Variants in PIK3R6 observed in about 807,000 individuals in gnomAD.
PIK3R6 encodes the protein phosphoinositide 3-kinase regulatory subunit 6.
PIK3R6 carries 91 observed loss-of-function variants against 84.9 expected under a neutral mutation model. The observed-to-expected ratio is 1.07, with a 90% confidence interval of 0.90 to 1.28. The LOEUF (loss-of-function observed/expected upper bound fraction) is 1.28, where lower values mean the gene tolerates loss of function less well. Among genes scored for constraint, PIK3R6 ranks in the 50% most tolerant of loss-of-function variants. PIK3R6 has a pLI of 0.00. For synonymous variants in PIK3R6, 416 were observed against 411.4 expected, an observed-to-expected ratio of 1.01 and a Z score of -0.13; for missense variants, 996 against 985.1, an observed-to-expected ratio of 1.01 and a Z score of -0.15.
intron 11 of PIK3R6, 71 bp downstream of exon 11, chr17:8,828,496 C>A: frequency 6.5e-7 from 1 of 1,545,744 alleles, no homozygotes; most frequent in Non-Finnish European, 8.7e-7. Context: ...TGTGATCCTT[C>A]ACCAGCCCAC....
At position 8,813,771 on chromosome 17, in the gene PIK3R6, G is replaced by GCCATATATGACAAAC. The variant is rs60772143; in HGVS notation, c.1995+5297_1995+5311dup. Among the ~76,000 whole-genome samples, 603 of 152,146 alleles carry GCCATATATGACAAAC rather than the reference G, an allele frequency of 4.0e-3. 3 individuals carry two copies. The highest frequency in any genetic ancestry group is 0.014 in the African/African-American group (573 of 41,498). ...AGGAACATATCTCAAAATAATAAAA[G>GCCATATATGACAAAC]CCATATATGACAAACCCACAGTCAA... is the stretch of plus-strand genomic sequence containing the variant. On this transcript the variant is annotated intron_variant, in intron 18 of 19. Transcript: ENST00000619866.
intron 1 of PIK3R6, among the ~76,000 whole-genome samples, chr17:8,861,428 A>G (rs2089282351): frequency 6.6e-6 from 1 of 152,152 alleles, no homozygotes. Context: ...CACTTTCTGC[A>G]ATTTCAGTTG....
intron 2 of PIK3R6, among the ~76,000 whole-genome samples, chr17:8,841,713 A>C (rs78385142): frequency 6.6e-6 from 1 of 151,676 alleles, no homozygotes; most frequent in Non-Finnish European, 1.5e-5. Flanking sequence ...AAAAAAAAAA[A>C]CCATGAAAGT....
At position 8,828,103 on chromosome 17, in the gene PIK3R6, T is replaced by C. The variant is rs1415696044; in HGVS notation, c.1392+9A>G. Reference sequence around the variant, plus strand: ...CTGCCCCGCCACCGCCTCCCCGCGGTCCAGTCACCTCAGGCGCCAGCACGG... The same window carrying C: ...CTGCCCCGCCACCGCCTCCCCGCGGCCCAGTCACCTCAGGCGCCAGCACGG... On this transcript the variant is annotated intron_variant, in intron 12 of 19. Transcript: ENST00000619866. 6.2e-7 allele frequency: 1 copy of C among 1,613,466 alleles called. No individual in the cohort carries two copies. The highest frequency in any genetic ancestry group is 1.3e-5 in the African/African-American group (1 of 74,890).
At chr17:8,812,603 C>A (rs757075677) in intron 18 of PIK3R6, among the ~76,000 whole-genome samples, 16 of 152,198 alleles carry the variant, frequency 1.1e-4, no homozygotes, top group Non-Finnish European at 2.4e-4. Flanking sequence ...CCAAGAGGAA[C>A]CCTCAAAACT....
In PIK3R6 at chr17:8,819,128, C is replaced by T. The variant is rs184716744; in HGVS notation, c.1950G>A (p.Val650=). 3.5e-5 allele frequency: 57 copies of T among 1,609,826 alleles called. 2 individuals are homozygous for T. The highest frequency in any genetic ancestry group is 3.3e-4 in the African/African-American group (25 of 74,976). Residue 650 remains valine, a synonymous_variant, in exon 18 of 20, where the codon GTG becomes GTA. Coordinates refer to ENST00000619866, the MANE Select transcript of PIK3R6 (RefSeq NM_001010855.4). ...AGTTGGAGGACTTGACAACCTCTGT[C>T]ACGTTGACATTCAGACATGTGTGGT... ...VTDHTCLNVN[V]TEVVKSSNLA...
In PIK3R6 at chr17:8,842,715, CT is replaced by C. The variant is rs2088716827; in HGVS notation, c.14-3019del. ...CCCCAAGGGTTCCTCTTTGACTGGG[CT>C]ATCAGGAAACTTACGGTCAAATTGG... On this transcript the variant is annotated intron_variant, in intron 2 of 19. Transcript: ENST00000619866. This position sits in a 1 kb window ranked among gnomAD's most constrained non-coding sequence, Gnocchi z 4.5. Among the ~76,000 whole-genome samples, 1 of 152,052 alleles carries C rather than the reference CT, an allele frequency of 6.6e-6. No individual in the cohort carries two copies. Among genetic ancestry groups the C allele is most frequent in the African/African-American group, 2.4e-5 (1 of 41,406 alleles).
At chr17:8,837,277 C>A (rs1331536468) in intron 5 of PIK3R6, among the ~76,000 whole-genome samples, 1 of 152,148 alleles carries the variant, frequency 6.6e-6, no homozygotes, top group Non-Finnish European at 1.5e-5. Context: ...CTTCCTCAGT[C>A]TCCTTTGCTC....
chr17:8,828,204 G>A lies in PIK3R6; in HGVS notation c.1314-14C>T. ...GTCTCCCGTTTCCTAGCAATGGGCA[G>A]CAAAGCAGAGGAGGTTAGGGGCGGG... On this transcript the variant is annotated splice_polypyrimidine_tract_variant and intron_variant, in intron 11 of 19. Coordinates refer to ENST00000619866, the MANE Select transcript of PIK3R6 (RefSeq NM_001010855.4). 1 of 1,612,924 alleles carries A rather than the reference G, an allele frequency of 6.2e-7. No homozygotes were observed. Among genetic ancestry groups the A allele is most frequent in the Non-Finnish European group, 8.5e-7 (1 of 1,178,898 alleles).
At chr17:8,813,877 T>C (rs1331615852) in intron 18 of PIK3R6, among the ~76,000 whole-genome samples, 1 of 152,180 alleles carries the variant, frequency 6.6e-6, no homozygotes, top group Non-Finnish European at 1.5e-5. Context: ...TCACTACTCC[T>C]ATTCAACATA....
intron 18 of PIK3R6, among the ~76,000 whole-genome samples, chr17:8,808,087 G>A: frequency 6.6e-6 from 1 of 152,182 alleles, no homozygotes; most frequent in South Asian, 2.1e-4. Context: ...ACAAAGGAAA[G>A]TGAGGAAGAG....
At chr17:8,829,825 A>T (rs1481463823) in intron 9 of PIK3R6, 33 bp from the exon 10 acceptor site, 3 of 1,527,168 alleles carry the variant, frequency 2.0e-6, no homozygotes, top group Admixed American at 4.0e-5. Flanking sequence ...GAGGCCATGG[A>T]GGAGGCCATG....
At chr17:8,841,448 C>T (rs1297707293) in intron 2 of PIK3R6, among the ~76,000 whole-genome samples, 1 of 152,210 alleles carries the variant, frequency 6.6e-6, no homozygotes, top group Non-Finnish European at 1.5e-5. Flanking sequence ...AAGAATTTGA[C>T]TTGTGCCTCT....
Position 8,802,951 on chromosome 17 carries a change from T to G in PIK3R6, c.*322A>C. On this transcript the variant is annotated 3_prime_UTR_variant, in exon 20 of 20. Coordinates refer to ENST00000619866, the MANE Select transcript of PIK3R6 (RefSeq NM_001010855.4). Reference sequence around the variant, plus strand: ...TTTAACCCTGGTTTTAAGGGCTGGATGGGGAGCTTGGGTGGGAGAGGACAG... The same window carrying G: ...TTTAACCCTGGTTTTAAGGGCTGGAGGGGGAGCTTGGGTGGGAGAGGACAG... The G allele has an allele frequency of 3.5e-6, 1 of 285,330 alleles. No homozygotes were observed. The highest frequency in any genetic ancestry group is 1.2e-3 in the Middle Eastern group (1 of 850). The allele number at this position is 285,330 out of a possible 1,614,324, so 17.7% of individuals were successfully genotyped here. A position where few individuals can be genotyped will look rare whatever the true frequency, so the allele number is the denominator to read the frequency against.
chr17:8,843,779 G>A, intron 2 of PIK3R6, among the ~76,000 whole-genome samples: 1 of 152,126 alleles, frequency 6.6e-6, no homozygotes, highest in Non-Finnish European at 1.5e-5. Flanking sequence ...CAATCATAGG[G>A]GGTGGGGAGC....
At chr17:8,866,804 G>A (rs866326613) in intron 1 of PIK3R6, among the ~76,000 whole-genome samples, 55 of 152,214 alleles carry the variant, frequency 3.6e-4, no homozygotes, top group Middle Eastern at 3.4e-3. Flanking sequence ...CTCCTGGCTC[G>A]CTGAGGACCC....
At chr17:8,838,160 G>C (rs1239493752) in intron 4 of PIK3R6, 2 of 499,546 alleles carry the variant, frequency 4.0e-6, no homozygotes, top group Admixed American at 7.3e-5. Context: ...CAAGTCCTCA[G>C]CTCGGAGCCT....
chr17:8,843,671 T>G (rs1327882257), intron 2 of PIK3R6, among the ~76,000 whole-genome samples: 2 of 152,094 alleles, frequency 1.3e-5, no homozygotes, highest in African/African-American at 4.8e-5. Flanking sequence ...CTGCCAACAT[T>G]TACAAGTCAG....
chr17:8,860,178 A>G (rs1213449062), intron 1 of PIK3R6, among the ~76,000 whole-genome samples: 1 of 152,144 alleles, frequency 6.6e-6, no homozygotes, highest in Non-Finnish European at 1.5e-5. Context: ...AGGGTCCCCA[A>G]ACCCCAGGCT....
Sources: allele counts gnomAD v4.1 joint callset (sites outside exome capture counted in the v4.1 genomes callset), GRCh38; gene constraint gnomAD v4.1.1; non-coding constraint Gnocchi (gnomAD v3.1); transcripts MANE v1.5; gene names NCBI Gene and HGNC (gene_info 2026-07-23, HGNC 2026-07-21).